Variants in PRDM10 observed in about 807,000 individuals in gnomAD.
PRDM10 encodes the protein PR domain zinc finger protein 10.
Under a neutral mutation model 133.1 loss-of-function variants are expected in PRDM10, and 65 were observed. The observed-to-expected ratio is 0.49, with a 90% CI of 0.40 to 0.60. PRDM10 has a LOEUF of 0.60. Among genes scored for constraint, PRDM10 ranks in the 20% least tolerant of loss-of-function variants. The probability of loss-of-function intolerance (pLI) is 0.00; values close to 1 mark genes in which losing one functional copy is unlikely to be tolerated. For synonymous variants in PRDM10, 582 were observed against 580.4 expected, an observed-to-expected ratio of 1.00 and a Z score of -0.04; for missense variants, 1,137 against 1,507.1, an observed-to-expected ratio of 0.75 and a Z score of 4.07.
intron 19 of PRDM10, 73 bp from the exon 20 acceptor site, chr11:129,905,814 C>A: frequency 8.1e-7 from 1 of 1,232,556 alleles, no homozygotes; most frequent in East Asian, 2.5e-5. Flanking sequence ...AAAACATAAC[C>A]AGTAGCCACA....
intron 1 of PRDM10, among the ~76,000 whole-genome samples, chr11:129,999,569 G>C (rs530280769): frequency 6.6e-6 from 1 of 152,222 alleles, no homozygotes; most frequent in East Asian, 1.9e-4. Flanking sequence ...AAAACAAACT[G>C]AACAACTCAA....
chr11:129,996,268 G>A (rs1158409934), intron 1 of PRDM10, among the ~76,000 whole-genome samples: 1 of 152,208 alleles, frequency 6.6e-6, no homozygotes, highest in East Asian at 1.9e-4. Flanking sequence ...AAATGAGATG[G>A]TCTTGACACT....
intron 7 of PRDM10, 152 bp from the exon 8 acceptor site, chr11:129,937,822 C>T (rs1419511472): frequency 9.9e-6 from 6 of 603,040 alleles, no homozygotes. Context: ...GCTCCCCTTG[C>T]AATACCTTTC....
chr11:129,902,125 T>C lies in PRDM10; in HGVS notation c.*188A>G, dbSNP rs868320920. On this transcript the variant is annotated 3_prime_UTR_variant, in exon 21 of 21. Transcript: ENST00000360871. ...CTGTTCTGTGGCAAAAACCGAGGGT[T>C]TGAAGAGTCAATTTGATAAAGATGA... The C allele has an allele frequency of 4.0e-6, 3 of 758,816 alleles. No homozygotes were observed. Among genetic ancestry groups the C allele is most frequent in the South Asian group, 2.2e-5 (1 of 45,500 alleles). 47.0% of individuals were successfully genotyped at this position (758,816 alleles called of 1,614,324 possible). A position where few individuals can be genotyped will look rare whatever the true frequency, so the allele number is the denominator to read the frequency against.
intron 1 of PRDM10, among the ~76,000 whole-genome samples, chr11:129,969,516 T>A (rs562206585): frequency 1.1e-4 from 16 of 152,000 alleles, no homozygotes; most frequent in Non-Finnish European, 1.9e-4. Flanking sequence ...TAGGAAGGCC[T>A]GGCACAGTGG....
At position 129,918,677 on chromosome 11, in the gene PRDM10, A is replaced by G. The variant is rs370899716; in HGVS notation, c.2076T>C (p.Asn692=). 8 of 1,613,976 alleles carry G rather than the reference A, an allele frequency of 5.0e-6. No homozygotes were observed. The African/African-American group carries it at 1.1e-4, about 22-fold the overall frequency. The change falls in exon 14 of 21, where the codon AAT becomes AAC. Residue 692 remains asparagine (N), a synonymous_variant. Transcript: ENST00000360871. The surrounding 1 kb of genome is among the most constrained non-coding windows in gnomAD (Gnocchi z 5.3). The part of the protein sequence containing the change: ...KLREHMQRMH[N]PEREAKKADR... ...CGGCTTTCTTGGCCTCCCTCTCAGG[A>G]TTATGCATCCTCTGCATGTGTTCCC...
intron 1 of PRDM10, among the ~76,000 whole-genome samples, chr11:129,985,371 A>G (rs1469229633): frequency 6.6e-6 from 1 of 152,084 alleles, no homozygotes; most frequent in Non-Finnish European, 1.5e-5. Flanking sequence ...CTATGGGGGG[A>G]AAATGCAATT....
intron 17 of PRDM10, 106 bp from the exon 18 acceptor site, chr11:129,912,331 G>A (rs1013201404): frequency 1.6e-6 from 2 of 1,243,592 alleles, no homozygotes; most frequent in African/African-American, 1.5e-5. Context: ...CTGGCCGGGT[G>A]CAGTGGCTCA....
At chr11:129,957,616 T>C (rs927124237) in intron 3 of PRDM10, 130 bp downstream of exon 3, 1 of 1,172,032 alleles carries the variant, frequency 8.5e-7, no homozygotes, top group African/African-American at 1.5e-5. Flanking sequence ...CGCGCCTGGC[T>C]GAGAGCACAG....
chr11:129,957,303 T>C (rs1951713010), intron 3 of PRDM10, among the ~76,000 whole-genome samples: 1 of 152,198 alleles, frequency 6.6e-6, no homozygotes, highest in Non-Finnish European at 1.5e-5. Context: ...CCAAGTTGGT[T>C]ACAAGCTCCT....
chr11:129,903,463 A>T (rs1351523708), intron 20 of PRDM10, among the ~76,000 whole-genome samples: 1 of 152,156 alleles, frequency 6.6e-6, no homozygotes, highest in Non-Finnish European at 1.5e-5. Flanking sequence ...CCTTACACTG[A>T]ATACATTTAG....
At chr11:129,984,585 T>C (rs1938307883) in intron 1 of PRDM10, among the ~76,000 whole-genome samples, 1 of 152,084 alleles carries the variant, frequency 6.6e-6, no homozygotes, top group Admixed American at 6.6e-5. Context: ...GAGTGTCTAC[T>C]GCAAAATCCA....
At chr11:129,993,720 G>A (rs988074789) in intron 1 of PRDM10, among the ~76,000 whole-genome samples, 2 of 151,968 alleles carry the variant, frequency 1.3e-5, no homozygotes, top group Admixed American at 6.6e-5. Context: ...TCCTGACCTC[G>A]TGATCCACCC....
intron 9 of PRDM10, among the ~76,000 whole-genome samples, chr11:129,933,137 T>A (rs546695089): frequency 6.6e-6 from 1 of 152,384 alleles, no homozygotes; most frequent in Non-Finnish European, 1.5e-5. Context: ...TTAGAAGATA[T>A]GTATGTGGGA....
Position 129,910,589 on chromosome 11 carries a change from T to A in PRDM10, c.3050A>T (p.Gln1017Leu). The change falls in exon 19 of 21, where the codon CAG becomes CTG. Residue 1017 changes from glutamine to leucine, a missense_variant. This residue lies in a region of PRDM10 where 243 missense variants were observed against 259.2 expected (regional missense o/e 0.94). Coordinates refer to ENST00000360871, the MANE Select transcript of PRDM10 (RefSeq NM_199437.2). ...AQQGLSPSHI[Q>L]GSSSTQGQAL... is the part of the protein sequence containing the mutation. ...CTGCCCCTGTGTGGAAGAACTGCCC[T>A]GGATGTGGGAGGGGCTGAGCCCCTG... is the stretch of plus-strand genomic sequence containing the variant. 6.2e-7 allele frequency: 1 copy of A among 1,613,842 alleles called. No homozygotes were observed. The highest frequency in any genetic ancestry group is 8.5e-7 in the Non-Finnish European group (1 of 1,179,852).
intron 1 of PRDM10, among the ~76,000 whole-genome samples, chr11:129,977,999 A>T (rs1937884527): frequency 6.7e-6 from 1 of 150,310 alleles, no homozygotes; most frequent in Non-Finnish European, 1.5e-5. Context: ...AAGCAGGAAA[A>T]CCAGGCTTTC....
chr11:130,001,192 T>G lies in PRDM10; in HGVS notation c.-119+1530A>C, dbSNP rs531712942. 1.6e-4 allele frequency among the ~76,000 whole-genome samples: 24 copies of G among 150,594 alleles called. No homozygotes were observed. In the East Asian group the frequency reaches 3.1e-3, roughly 20 times the overall value. On this transcript the variant is annotated intron_variant, in intron 1 of 20. Coordinates refer to ENST00000360871, the MANE Select transcript of PRDM10 (RefSeq NM_199437.2). ...TGCTTTGCCCCCAACCAATCCTAAT[T>G]TTAAAAAAAAATCTTGTTTTCTCTA...
intron 1 of PRDM10, among the ~76,000 whole-genome samples, chr11:129,964,250 G>A (rs1951860560): frequency 6.6e-6 from 1 of 152,070 alleles, no homozygotes; most frequent in Non-Finnish European, 1.5e-5. Flanking sequence ...AACACACACA[G>A]CCCAGAGAGT....
At chr11:129,917,858 C>T (rs1189742083) in intron 14 of PRDM10, among the ~76,000 whole-genome samples, 1 of 152,166 alleles carries the variant, frequency 6.6e-6, no homozygotes, top group East Asian at 1.9e-4. Flanking sequence ...GGGCTGGGTG[C>T]AGTGGCTCAC....
Sources: gnomAD v4.1 joint callset for allele counts (sites outside exome capture counted in the v4.1 genomes callset) on GRCh38, gnomAD v4.1.1 for gene constraint, gnomAD v4.1.1 regional missense constraint, Gnocchi (gnomAD v3.1) non-coding constraint, MANE v1.5 for transcripts, NCBI Gene and HGNC (gene_info 2026-07-23, HGNC 2026-07-21) for gene names.